Variants in PDE4D observed in about 807,000 individuals in gnomAD.
PDE4D encodes the protein phosphodiesterase 4D.
A neutral mutation model predicts 87.4 loss-of-function variants in PDE4D; 24 were observed. The ratio of observed to expected loss-of-function variants is 0.27; its 90% CI spans 0.20 to 0.39. The LOEUF is 0.39. Ranked by LOEUF, PDE4D falls within the 10% of genes least tolerant of loss-of-function variation. The pLI, the probability that PDE4D is intolerant of heterozygous loss-of-function variation, is 1.00. For synonymous variants in PDE4D, 384 were observed against 383.2 expected, an observed-to-expected ratio of 1.00 and a Z score of -0.02; for missense variants, 714 against 1,041.0, an observed-to-expected ratio of 0.69 and a Z score of 4.32.
At chr5:60,430,528 G>GTTTT (rs1561247511) in intron 1 of PDE4D, among the ~76,000 whole-genome samples, 2 of 118,466 alleles carry the variant, frequency 1.7e-5, no homozygotes, top group African/African-American at 8.2e-5. Context: ...TTTTTTGTTT[G>GTTTT]TGTTTTGTTT....
chr5:59,197,306 T>C (rs1432177175), intron 2 of PDE4D, among the ~76,000 whole-genome samples: 2 of 152,156 alleles, frequency 1.3e-5, no homozygotes, highest in African/African-American at 4.8e-5. Context: ...TTTTTCCCTA[T>C]GAAAGCATAA....
At chr5:59,925,905 A>G (rs1017550182) in intron 3 of PDE4D, among the ~76,000 whole-genome samples, 1 of 152,170 alleles carries the variant, frequency 6.6e-6, no homozygotes, top group African/African-American at 2.4e-5. Flanking sequence ...GTAGACCCCA[A>G]TACAATAATA....
intron 1 of PDE4D, among the ~76,000 whole-genome samples, chr5:60,265,278 A>G (rs370288874): frequency 6.6e-6 from 1 of 152,214 alleles, no homozygotes; most frequent in Admixed American, 6.5e-5. Flanking sequence ...GGCAGGGCCT[A>G]TGTGAGGCTG....
chr5:59,416,945 T>A (rs1032776597), intron 1 of PDE4D, among the ~76,000 whole-genome samples: 1 of 152,174 alleles, frequency 6.6e-6, no homozygotes, highest in Non-Finnish European at 1.5e-5. Flanking sequence ...ATATTTTATA[T>A]AATTCTGTGT....
At chr5:60,364,753 A>G (rs1316745162) in intron 1 of PDE4D, among the ~76,000 whole-genome samples, 1 of 152,210 alleles carries the variant, frequency 6.6e-6, no homozygotes, top group Non-Finnish European at 1.5e-5. Context: ...CATTTCTATC[A>G]AGAAGTTTCC....
intron 1 of PDE4D, among the ~76,000 whole-genome samples, chr5:59,621,805 C>A (rs180930835): frequency 1.3e-5 from 2 of 152,092 alleles, no homozygotes; most frequent in Non-Finnish European, 2.9e-5. Context: ...CAGCAAAGAA[C>A]AAGAATATGA....
chr5:59,460,019 TG>T (rs2153645620), intron 1 of PDE4D, among the ~76,000 whole-genome samples: 1 of 152,244 alleles, frequency 6.6e-6, no homozygotes, highest in Non-Finnish European at 1.5e-5. Flanking sequence ...AGAACTGCCC[TG>T]TAATGTTAAG....
intron 1 of PDE4D, among the ~76,000 whole-genome samples, chr5:60,406,492 C>A (rs1270872425): frequency 1.3e-5 from 2 of 152,134 alleles, no homozygotes; most frequent in African/African-American, 4.8e-5. Context: ...CTAATACTGT[C>A]TACTCTGATG....
intron 1 of PDE4D, among the ~76,000 whole-genome samples, chr5:59,728,527 C>T (rs1285242603): frequency 6.6e-6 from 1 of 152,086 alleles, no homozygotes; most frequent in Non-Finnish European, 1.5e-5. Flanking sequence ...AAGCCAGCTG[C>T]TCTTTCTCCA....
At chr5:60,441,417 C>A (rs926051941) in intron 1 of PDE4D, among the ~76,000 whole-genome samples, 1 of 152,084 alleles carries the variant, frequency 6.6e-6, no homozygotes, top group African/African-American at 2.4e-5. Flanking sequence ...CCCTTCCTTA[C>A]CCCTTATCAA....
intron 1 of PDE4D, chr5:59,216,690 T>C (rs1387109988): frequency 6.5e-6 from 1 of 154,908 alleles, no homozygotes; most frequent in Non-Finnish European, 1.4e-5. Context: ...GGGTACTTCT[T>C]GCTCAACTCA....
intron 1 of PDE4D, among the ~76,000 whole-genome samples, chr5:59,787,815 C>T (rs1230350802): frequency 6.6e-6 from 1 of 152,124 alleles, no homozygotes; most frequent in Non-Finnish European, 1.5e-5. Context: ...ACTACAACGA[C>T]CTTAGAGGTG....
intron 5 of PDE4D, among the ~76,000 whole-genome samples, chr5:59,131,645 C>CACACACACACACACACACAT (rs60337924): frequency 6.8e-6 from 1 of 146,336 alleles, no homozygotes; most frequent in African/African-American, 2.6e-5. Flanking sequence ...CACACACACA[C>CACACACACACACACACACAT]ATTAATGAGA....
intron 1 of PDE4D, among the ~76,000 whole-genome samples, chr5:59,538,982 A>G (rs1228620093): frequency 6.6e-6 from 1 of 152,154 alleles, no homozygotes. Flanking sequence ...TGCCTCTTCC[A>G]TGAACCATTC....
At chr5:60,097,912 G>A (rs950704763) in intron 2 of PDE4D, among the ~76,000 whole-genome samples, 4 of 151,944 alleles carry the variant, frequency 2.6e-5, no homozygotes, top group African/African-American at 9.7e-5. Context: ...AAAGAGACTG[G>A]AAAACTCTTA....
At chr5:59,661,766 A>G (rs1337276632) in intron 1 of PDE4D, among the ~76,000 whole-genome samples, 1 of 152,218 alleles carries the variant, frequency 6.6e-6, no homozygotes, top group Admixed American at 6.5e-5. Context: ...TCAGGTTAAA[A>G]TAAACTAAGT....
At chr5:59,031,394 A>ATATATAT (rs1561348284) in intron 6 of PDE4D, among the ~76,000 whole-genome samples, 1 of 75,038 alleles carries the variant, frequency 1.3e-5, no homozygotes, top group South Asian at 4.4e-4. Flanking sequence ...TATATATATT[A>ATATATAT]TATATATATA....
rs914915201 is a variant in PDE4D at position 59,503,144 on chromosome 5, C to T, written c.456-287176G>A. On this transcript the variant is annotated intron_variant, in intron 1 of 14. Coordinates refer to ENST00000340635, the MANE Select transcript of PDE4D (RefSeq NM_001104631.2). ...CAGAGTAGCAAAAAAGGTTAGGCTA[C>T]AATATTCCTGAGTGTTAATTTCATG... 4.0e-4 allele frequency among the ~76,000 whole-genome samples: 61 copies of T among 152,084 alleles called. 1 individual carries two copies. Among genetic ancestry groups the T allele is most frequent in the African/African-American group, 1.4e-3 (57 of 41,510 alleles).
chr5:59,299,759 T>A (rs980389687), intron 1 of PDE4D, among the ~76,000 whole-genome samples: 5 of 152,144 alleles, frequency 3.3e-5, no homozygotes, highest in African/African-American at 1.2e-4. Context: ...ATCTCTGGCA[T>A]ACATACAACC....
Sources: gnomAD v4.1 joint callset for allele counts (sites outside exome capture counted in the v4.1 genomes callset) on GRCh38, gnomAD v4.1.1 for gene constraint, MANE v1.5 for transcripts, NCBI Gene and HGNC (gene_info 2026-07-23, HGNC 2026-07-21) for gene names.